Variants in UGT1A7 observed in about 807,000 individuals in gnomAD.
UGT1A7 encodes the protein UDP glucuronosyltransferase family 1 member A7, also known as UDP-glucuronosyltransferase 1A7.
A neutral mutation model predicts 45.6 loss-of-function variants in UGT1A7; 33 were observed. The ratio of observed to expected loss-of-function variants is 0.72; its 90% CI spans 0.55 to 0.97. The LOEUF is 0.97. UGT1A7 is among the 50% of genes least tolerant of loss of function. The probability of loss-of-function intolerance (pLI) is 0.00; values close to 1 mark genes in which losing one functional copy is unlikely to be tolerated. For missense variants in UGT1A7, 684 were observed against 666.2 expected (o/e 1.03, Z -0.29); for synonymous variants, 274 against 250.6 (o/e 1.09, Z -0.88).
chr2:233,704,256 CTTT>C (rs59925871), intron 1 of UGT1A7, among the ~76,000 whole-genome samples: 4 of 123,652 alleles, frequency 3.2e-5, no homozygotes, highest in Non-Finnish European at 4.9e-5. Flanking sequence ...GCCTTTATTG[CTTT>C]TTTTTTTTTT....
intron 1 of UGT1A7, among the ~76,000 whole-genome samples, chr2:233,695,913 C>T (rs1176946557): frequency 6.6e-6 from 1 of 152,022 alleles, no homozygotes; most frequent in African/African-American, 2.4e-5. Context: ...TTTTTTTTCT[C>T]CACACACCAA....
At position 233,760,587 on chromosome 2, in the gene UGT1A7, T is replaced by C. The variant is rs374655757; in HGVS notation, c.856-6447T>C. ...TTGTTAGTCTCGGGCATAATGTTTT[T>C]GAGAATGATTCTTTCCTGCAGCGTG... On this transcript the variant is annotated intron_variant, in intron 1 of 4. Coordinates refer to ENST00000373426, the MANE Select transcript of UGT1A7 (RefSeq NM_019077.3). 5 of 1,614,120 alleles carry C rather than the reference T, an allele frequency of 3.1e-6. No homozygotes were observed. Among genetic ancestry groups the C allele is most frequent in the Non-Finnish European group, 4.2e-6 (5 of 1,180,056 alleles).
intron 1 of UGT1A7, among the ~76,000 whole-genome samples, chr2:233,761,552 A>T (rs1697800499): frequency 6.6e-6 from 1 of 152,250 alleles, no homozygotes; most frequent in Admixed American, 6.5e-5. Context: ...TGATGATGAT[A>T]GATCCTGGAA....
Position 233,713,371 on chromosome 2 carries a change from C to G in UGT1A7, c.855+30579C>G, listed in dbSNP as rs949322705. The G allele has an allele frequency of 5.3e-5, 85 of 1,613,982 alleles. No individual in the cohort carries two copies. The highest frequency in any genetic ancestry group is 6.7e-5 in the Non-Finnish European group (79 of 1,180,022). ...AATATGTCTTTGATCATACATAGGT[C>G]TTGTGTGGAGCTACTGCATAATGAG... is the stretch of plus-strand genomic sequence containing the variant. On this transcript the variant is annotated intron_variant, in intron 1 of 4. Coordinates refer to ENST00000373426, the MANE Select transcript of UGT1A7 (RefSeq NM_019077.3).
At chr2:233,742,331 G>A (rs1268078196) in intron 1 of UGT1A7, among the ~76,000 whole-genome samples, 3 of 151,974 alleles carry the variant, frequency 2.0e-5, no homozygotes, top group South Asian at 4.1e-4. Context: ...GAAACAAAGG[G>A]ATGGGCTCTG....
At chr2:233,760,837 A>G in intron 1 of UGT1A7, 2 of 1,613,782 alleles carry the variant, frequency 1.2e-6, no homozygotes, top group Non-Finnish European at 1.7e-6. Flanking sequence ...ATTTGAGGCT[A>G]CCCAGTGCCC....
intron 1 of UGT1A7, among the ~76,000 whole-genome samples, chr2:233,698,232 G>T (rs1383966106): frequency 6.6e-6 from 1 of 152,060 alleles, no homozygotes; most frequent in African/African-American, 2.4e-5. Context: ...AAATTAAAGT[G>T]ATCAAAATAG....
chr2:233,705,860 G>A (rs2075875897), intron 1 of UGT1A7, among the ~76,000 whole-genome samples: 1 of 152,168 alleles, frequency 6.6e-6, no homozygotes, highest in Non-Finnish European at 1.5e-5. Flanking sequence ...AGCTGAGGCA[G>A]GCAGATCACT....
chr2:233,759,589 C>T (rs1019080455), intron 1 of UGT1A7, among the ~76,000 whole-genome samples: 2 of 147,434 alleles, frequency 1.4e-5, no homozygotes, highest in Non-Finnish European at 3.0e-5. Flanking sequence ...CAGCACGCCC[C>T]CCACCCCCGA....
chr2:233,747,249 G>T, intron 1 of UGT1A7: 1 of 1,600,822 alleles, frequency 6.2e-7, no homozygotes, highest in Non-Finnish European at 8.5e-7. Context: ...TGCTGTGGCT[G>T]GCCACAGGAG....
intron 1 of UGT1A7, among the ~76,000 whole-genome samples, chr2:233,724,910 T>C (rs1266541545): frequency 3.6e-5 from 5 of 139,534 alleles, no homozygotes; most frequent in Admixed American, 2.1e-4. Flanking sequence ...CTGGGCACCA[T>C]TGAGCACTGA....
chr2:233,768,916 T>A (rs1454588101), intron 4 of UGT1A7, among the ~76,000 whole-genome samples: 1 of 152,138 alleles, frequency 6.6e-6, no homozygotes, highest in African/African-American at 2.4e-5. Context: ...TAGAGGTTAT[T>A]ATTCACTTTA....
At chr2:233,737,732 C>A (rs569109147) in intron 1 of UGT1A7, among the ~76,000 whole-genome samples, 1 of 151,490 alleles carries the variant, frequency 6.6e-6, no homozygotes, top group African/African-American at 2.4e-5. Flanking sequence ...TTTTTTTTTC[C>A]TTTTCTCTTC....
At chr2:233,728,033 A>T (rs1286905135) in intron 1 of UGT1A7, among the ~76,000 whole-genome samples, 1 of 152,230 alleles carries the variant, frequency 6.6e-6, no homozygotes, top group African/African-American at 2.4e-5. Context: ...TTTCTGGAGT[A>T]GGATAAGCCT....
chr2:233,729,944 T>C, intron 1 of UGT1A7: 6 of 1,614,066 alleles, frequency 3.7e-6, no homozygotes, highest in Non-Finnish European at 5.1e-6. Flanking sequence ...ATGCCCAACA[T>C]GGTCTTCATT....
intron 1 of UGT1A7, among the ~76,000 whole-genome samples, chr2:233,689,485 C>T (rs78706067): frequency 6.6e-6 from 1 of 152,116 alleles, no homozygotes; most frequent in Non-Finnish European, 1.5e-5. Flanking sequence ...AAGAAGAAAT[C>T]GCAAATCAAT....
At chr2:233,756,397 G>GT (rs1005447677) in intron 1 of UGT1A7, 19 of 151,974 alleles carry the variant, frequency 1.3e-4, no homozygotes, top group Admixed American at 5.2e-4. Flanking sequence ...TACAGTATTG[G>GT]TTTTTTATTT....
intron 1 of UGT1A7, among the ~76,000 whole-genome samples, chr2:233,706,749 AGT>A (rs2075921847): frequency 2.0e-5 from 3 of 152,182 alleles, no homozygotes. Context: ...TGTGAAGCAG[AGT>A]GCCGTACACT....
intron 1 of UGT1A7, among the ~76,000 whole-genome samples, chr2:233,684,286 A>G (rs941615401): frequency 6.6e-6 from 1 of 152,226 alleles, no homozygotes; most frequent in South Asian, 2.1e-4. Flanking sequence ...CATGACTTTC[A>G]GCTCTTGGCA....
Sources: allele counts gnomAD v4.1 joint callset (sites outside exome capture counted in the v4.1 genomes callset), GRCh38; gene constraint gnomAD v4.1.1; transcripts MANE v1.5; gene names NCBI Gene and HGNC (gene_info 2026-07-23, HGNC 2026-07-21).